The following ASAP1 variants were observed in gnomAD, a reference collection of about 807,000 sequenced individuals.
The protein encoded by ASAP1 is arf-GAP with SH3 domain, ANK repeat and PH domain-containing protein 1.
In ASAP1, 43 loss-of-function variants were observed where a neutral mutation model predicts 145.2. The ratio of observed to expected loss-of-function variants is 0.30; its 90% CI spans 0.23 to 0.38. The LOEUF is 0.38. Ranked by LOEUF, ASAP1 falls within the 10% of genes least tolerant of loss-of-function variation. The pLI, the probability that ASAP1 is intolerant of heterozygous loss-of-function variation, is 1.00. For missense variants in ASAP1, 1,018 were observed against 1,355.3 expected, an observed-to-expected ratio of 0.75 and a Z score of 3.91; for synonymous variants, 546 against 515.5, an observed-to-expected ratio of 1.06 and a Z score of -0.80.
chr8:130,091,395 C>T (rs2097505136), intron 25 of ASAP1, among the ~76,000 whole-genome samples: 1 of 152,080 alleles, frequency 6.6e-6, no homozygotes, highest in Admixed American at 6.6e-5. Context: ...TGACAGAGTT[C>T]CAGGGAGTGG....
intron 3 of ASAP1, among the ~76,000 whole-genome samples, chr8:130,240,958 T>C (rs1586663490): frequency 1.3e-5 from 2 of 152,196 alleles, no homozygotes; most frequent in South Asian, 4.1e-4. Flanking sequence ...CAAAAGGATG[T>C]AGAAAAATTA....
intron 24 of ASAP1, among the ~76,000 whole-genome samples, chr8:130,109,070 C>T (rs940564224): frequency 1.8e-4 from 28 of 152,104 alleles, no homozygotes; most frequent in Non-Finnish European, 3.7e-4. Flanking sequence ...CCACCGCACC[C>T]GGTCCAAGAA....
At chr8:130,438,719 G>A (rs1007100196) in intron 1 of ASAP1, among the ~76,000 whole-genome samples, 2 of 152,174 alleles carry the variant, frequency 1.3e-5, no homozygotes, top group African/African-American at 4.8e-5. Flanking sequence ...AATGCACAGT[G>A]AAATAAATCC....
At chr8:130,339,472 T>C in intron 3 of ASAP1, among the ~76,000 whole-genome samples, 1 of 152,032 alleles carries the variant, frequency 6.6e-6, no homozygotes, top group East Asian at 1.9e-4. Flanking sequence ...TAATAGCAAG[T>C]AGAGTCGGAA....
intron 16 of ASAP1, among the ~76,000 whole-genome samples, chr8:130,127,144 G>A (rs2097576200): frequency 6.6e-6 from 1 of 152,208 alleles, no homozygotes; most frequent in Non-Finnish European, 1.5e-5. Flanking sequence ...GTGATACAGA[G>A]GTGAGGGAAG....
chr8:130,064,560 C>G (rs1439977254), intron 27 of ASAP1, among the ~76,000 whole-genome samples: 1 of 152,118 alleles, frequency 6.6e-6, no homozygotes, highest in Non-Finnish European at 1.5e-5. Context: ...TCCCTCTACT[C>G]TCACACCACA....
chr8:130,091,218 C>T (rs935873091), intron 25 of ASAP1, among the ~76,000 whole-genome samples: 40 of 152,194 alleles, frequency 2.6e-4, no homozygotes, highest in African/African-American at 9.4e-4. Flanking sequence ...AAGACCAAGA[C>T]AAGGTTCTGG....
intron 3 of ASAP1, among the ~76,000 whole-genome samples, chr8:130,282,371 AT>A (rs757984749): frequency 6.6e-6 from 1 of 152,216 alleles, no homozygotes; most frequent in Non-Finnish European, 1.5e-5. Flanking sequence ...TCGCTTTTGC[AT>A]TTGTATATTA....
intron 13 of ASAP1, 189 bp downstream of exon 13, chr8:130,152,547 T>G (rs1320506511): frequency 7.5e-6 from 3 of 402,282 alleles, no homozygotes; most frequent in Non-Finnish European, 1.3e-5. Flanking sequence ...AAGTTTCTAG[T>G]GATGCCAAAG....
chr8:130,260,304 AGAC>A (rs1819816686), intron 3 of ASAP1, among the ~76,000 whole-genome samples: 1 of 152,114 alleles, frequency 6.6e-6, no homozygotes, highest in Non-Finnish European at 1.5e-5. Context: ...TTGGGCTACT[AGAC>A]CATAAATGAG....
At chr8:130,099,821 G>C (rs1388075510) in intron 24 of ASAP1, among the ~76,000 whole-genome samples, 1 of 151,548 alleles carries the variant, frequency 6.6e-6, no homozygotes, top group Non-Finnish European at 1.5e-5. Context: ...TTACAGATGT[G>C]AGTCATTGTG....
chr8:130,240,476 C>T (rs1440932955), intron 3 of ASAP1, among the ~76,000 whole-genome samples: 1 of 151,992 alleles, frequency 6.6e-6, no homozygotes, highest in Non-Finnish European at 1.5e-5. Context: ...CCCATAAATG[C>T]CAAACAACAA....
chr8:130,318,543 T>C (rs1465866477), intron 3 of ASAP1, among the ~76,000 whole-genome samples: 2 of 152,162 alleles, frequency 1.3e-5, no homozygotes, highest in Admixed American at 1.3e-4. Context: ...AGTCGGCAGG[T>C]GAAACAGCCT....
chr8:130,056,056 C>G (rs2097403377), intron 29 of ASAP1, among the ~76,000 whole-genome samples: 1 of 152,244 alleles, frequency 6.6e-6, no homozygotes, highest in South Asian at 2.1e-4. Flanking sequence ...GGTATCTCTG[C>G]TGTAGTCATC....
At chr8:130,125,573 A>G (rs2097573712) in intron 17 of ASAP1, among the ~76,000 whole-genome samples, 1 of 152,224 alleles carries the variant, frequency 6.6e-6, no homozygotes, top group Non-Finnish European at 1.5e-5. Flanking sequence ...ATAAAAAAAA[A>G]TTGAGATAAA....
intron 26 of ASAP1, among the ~76,000 whole-genome samples, chr8:130,076,744 C>T (rs61183792): frequency 0.011 from 1,659 of 152,286 alleles, 28 homozygotes; most frequent in African/African-American, 0.039. Flanking sequence ...TGGTCTTGTA[C>T]TCCTGAGCTC....
At chr8:130,260,746 T>A (rs1334069795) in intron 3 of ASAP1, among the ~76,000 whole-genome samples, 1 of 152,148 alleles carries the variant, frequency 6.6e-6, no homozygotes, top group Non-Finnish European at 1.5e-5. Context: ...TCTGTCTCTA[T>A]GTGCCGAACC....
chr8:130,348,300 A>G (rs568735374), intron 3 of ASAP1, among the ~76,000 whole-genome samples: 2 of 152,320 alleles, frequency 1.3e-5, no homozygotes, highest in African/African-American at 2.4e-5. Context: ...TCTGCTTTCT[A>G]TAATAGTTGG....
At chr8:130,380,185 G>T (rs78608177) in intron 2 of ASAP1, among the ~76,000 whole-genome samples, 15,317 of 152,176 alleles carry the variant, frequency 0.1, 904 homozygotes, top group South Asian at 0.27. Context: ...AGATGAATGG[G>T]GAAATAAAAC....
Sources: allele counts gnomAD v4.1 joint callset (sites outside exome capture counted in the v4.1 genomes callset), GRCh38; gene constraint gnomAD v4.1.1; transcripts MANE v1.5; gene names NCBI Gene and HGNC (gene_info 2026-07-23, HGNC 2026-07-21).